CYSLTR2: variants seen among roughly 807,000 people sequenced by gnomAD.
CYSLTR2 encodes the protein G-protein coupled receptor GPCR21.
For synonymous variants in CYSLTR2, 179 were observed against 160.8 expected (o/e 1.11, Z -0.86); for missense variants, 398 against 411.9 (o/e 0.97, Z 0.29).
rs148817212 is a variant in CYSLTR2, at chr13:48,677,550, T to C, written c.-265-13662T>C. 3.9e-5 allele frequency among the ~76,000 whole-genome samples: 6 copies of C among 152,236 alleles called. No individual in the cohort carries two copies. In the East Asian group the frequency reaches 9.7e-4, roughly 25 times the overall value. On this transcript the variant is annotated intron_variant, in intron 1 of 4. Transcript: ENST00000682523. Reference sequence around the variant, plus strand: ...TTCTGGTAGACTGTACATTCTACCATACTATGGCTCAAGTGTATGATGTTC... The same window carrying C: ...TTCTGGTAGACTGTACATTCTACCACACTATGGCTCAAGTGTATGATGTTC...
chr13:48,684,533 C>G (rs1022247925), intron 1 of CYSLTR2, among the ~76,000 whole-genome samples: 1 of 151,994 alleles, frequency 6.6e-6, no homozygotes, highest in African/African-American at 2.4e-5. Flanking sequence ...GAAGTTAGAT[C>G]ATCCCTACAT....
Position 48,667,288 on chromosome 13 carries a change from G to C in CYSLTR2, c.-266+13271G>C, listed in dbSNP as rs1259146321. On this transcript the variant is annotated intron_variant, in intron 1 of 4. Coordinates refer to ENST00000682523, the MANE Select transcript of CYSLTR2 (RefSeq NM_001308476.3). ...AAAGGGAATGTGTGTACACATGATG[G>C]GTCAACGAACTATGGGTTAAGTTTG... Among the ~76,000 whole-genome samples, 4 of 152,306 alleles carry C rather than the reference G, an allele frequency of 2.6e-5. No homozygotes were observed. In the East Asian group the frequency reaches 7.7e-4, roughly 29 times the overall value.
chr13:48,706,785 T>G, intron 4 of CYSLTR2, 32 bp from the exon 5 acceptor site: 1 of 1,537,370 alleles, frequency 6.5e-7, no homozygotes, highest in Non-Finnish European at 8.8e-7. Context: ...ATTCACAAAG[T>G]AACTTTTTGT....
At chr13:48,675,074 G>A (rs1953556559) in intron 1 of CYSLTR2, among the ~76,000 whole-genome samples, 2 of 152,222 alleles carry the variant, frequency 1.3e-5, no homozygotes, top group African/African-American at 4.8e-5. Context: ...CCTGCTGGGA[G>A]TGTCTCCCAG....
At chr13:48,656,953 C>G (rs1303391665) in intron 1 of CYSLTR2, among the ~76,000 whole-genome samples, 1 of 152,190 alleles carries the variant, frequency 6.6e-6, no homozygotes, top group Admixed American at 6.5e-5. Flanking sequence ...CACTGTATTT[C>G]TTTATTTCTC....
At chr13:48,695,970 T>A (rs1309821713) in intron 3 of CYSLTR2, among the ~76,000 whole-genome samples, 1 of 152,284 alleles carries the variant, frequency 6.6e-6, no homozygotes, top group Non-Finnish European at 1.5e-5. Context: ...TATAGTTTTT[T>A]AGGAAACAGC....
rs1203486948 is a variant in CYSLTR2 at position 48,710,031 on chromosome 13, T to C, written c.*2173T>C. 1 of 152,150 alleles carries C rather than the reference T, an allele frequency of 6.6e-6. No individual in the cohort carries two copies. The highest frequency in any genetic ancestry group is 1.5e-5 in the Non-Finnish European group (1 of 68,020). 9.4% of individuals were successfully genotyped at this position (152,150 alleles called of 1,614,324 possible). On this transcript the variant is annotated 3_prime_UTR_variant, in exon 5 of 5. Coordinates refer to ENST00000682523, the MANE Select transcript of CYSLTR2 (RefSeq NM_001308476.3). ...TAAGCAAGTAAAAACGCAATACAGT[T>C]TTTAAGTGCTAGAGGAAAAGAAACT...
chr13:48,704,943 A>C (rs1034130591), intron 4 of CYSLTR2, among the ~76,000 whole-genome samples: 1 of 152,228 alleles, frequency 6.6e-6, no homozygotes, highest in African/African-American at 2.4e-5. Flanking sequence ...TGTTTTATAC[A>C]TGTCAATTTG....
At chr13:48,680,291 C>T in intron 1 of CYSLTR2, among the ~76,000 whole-genome samples, 1 of 152,112 alleles carries the variant, frequency 6.6e-6, no homozygotes, top group East Asian at 1.9e-4. Flanking sequence ...GAGTCTGTGC[C>T]AATGTCTAAT....
Position 48,688,645 on chromosome 13 carries a change from T to G in CYSLTR2, c.-265-2567T>G. 1.3e-5 allele frequency among the ~76,000 whole-genome samples: 2 copies of G among 152,248 alleles called. 1 individual carries two copies. Among genetic ancestry groups the G allele is most frequent in the Middle Eastern group, 6.3e-3 (2 of 316 alleles). ...GCGTATATGTGCCACATTTTCTTTA[T>G]CTAGTCTATCATTGATGGACATTTG... On this transcript the variant is annotated intron_variant, in intron 1 of 4. Transcript: ENST00000682523.
At chr13:48,678,864 C>A (rs1456020274) in intron 1 of CYSLTR2, among the ~76,000 whole-genome samples, 1 of 152,142 alleles carries the variant, frequency 6.6e-6, no homozygotes, top group East Asian at 1.9e-4. Context: ...CCATCCAGGT[C>A]TGTGCAGCCT....
intron 3 of CYSLTR2, chr13:48,694,626 A>G (rs1954120754): frequency 6.6e-6 from 1 of 152,220 alleles, no homozygotes; most frequent in South Asian, 2.1e-4. Context: ...GGCAGCAAGG[A>G]CTTTTGAAGA....
At chr13:48,693,669 G>T (rs974816782) in intron 3 of CYSLTR2, among the ~76,000 whole-genome samples, 159 bp downstream of exon 3, 1 of 151,360 alleles carries the variant, frequency 6.6e-6, no homozygotes, top group Non-Finnish European at 1.5e-5. Flanking sequence ...GAGGGAGGAA[G>T]GTTTATATGT....
chr13:48,663,438 C>A (rs1953180391), intron 1 of CYSLTR2, among the ~76,000 whole-genome samples: 1 of 152,092 alleles, frequency 6.6e-6, no homozygotes, highest in African/African-American at 2.4e-5. Flanking sequence ...ATAGTGTTGT[C>A]ATTTTGACAA....
intron 1 of CYSLTR2, among the ~76,000 whole-genome samples, chr13:48,686,201 T>C (rs1953890420): frequency 6.6e-6 from 1 of 152,220 alleles, no homozygotes; most frequent in Admixed American, 6.5e-5. Context: ...ATCAGAAATA[T>C]GTTGACAAAC....
In CYSLTR2 at chr13:48,659,970, C is replaced by T. The variant is rs1310411238; in HGVS notation, c.-266+5953C>T. Among the ~76,000 whole-genome samples, 5 of 152,186 alleles carry T rather than the reference C, an allele frequency of 3.3e-5. No individual in the cohort carries two copies. The East Asian group carries it at 7.7e-4, about 23-fold the overall frequency. ...GTTTTGAGAGCCAGAGAGAGGGCAA[C>T]ATTTAGTCAAAATAATGTTTTTAAA... On this transcript the variant is annotated intron_variant, in intron 1 of 4. Transcript: ENST00000682523.
chr13:48,701,189 G>A (rs117970328), intron 4 of CYSLTR2, among the ~76,000 whole-genome samples: 8,724 of 152,176 alleles, frequency 0.057, 386 homozygotes, highest in Middle Eastern at 0.12. Flanking sequence ...ATCCTAAGCC[G>A]AAAGAACAAG....
chr13:48,693,933 C>T (rs191999484), intron 3 of CYSLTR2, among the ~76,000 whole-genome samples: 1 of 152,320 alleles, frequency 6.6e-6, no homozygotes, highest in African/African-American at 2.4e-5. Context: ...GTGGCCATTG[C>T]AATTCCAGAT....
intron 1 of CYSLTR2, among the ~76,000 whole-genome samples, chr13:48,676,197 G>C (rs1489888693): frequency 6.6e-6 from 1 of 152,192 alleles, no homozygotes; most frequent in African/African-American, 2.4e-5. Context: ...AGGCAGACCA[G>C]AACCCAGGTC....
Sources: gnomAD v4.1 joint callset for allele counts (sites outside exome capture counted in the v4.1 genomes callset) on GRCh38, gnomAD v4.1.1 for gene constraint, MANE v1.5 for transcripts, NCBI Gene and HGNC (gene_info 2026-07-23, HGNC 2026-07-21) for gene names.